Variants in GDPD1 observed in about 807,000 individuals in gnomAD.
The protein encoded by GDPD1 is lysophospholipase D GDPD1.
A neutral mutation model predicts 45.1 loss-of-function variants in GDPD1; 28 were observed. The observed-to-expected ratio is 0.62, with a 90% CI of 0.46 to 0.85. GDPD1 has a LOEUF of 0.85. Among genes scored for constraint, GDPD1 ranks in the 40% least tolerant of loss-of-function variants. GDPD1 has a pLI of 0.00. For synonymous variants in GDPD1, 139 were observed against 131.4 expected (o/e 1.06, Z -0.40); for missense variants, 256 against 364.8 (o/e 0.70, Z 2.43).
At chr17:59,229,381 T>C (rs1251922638) in intron 1 of GDPD1, among the ~76,000 whole-genome samples, 1 of 150,866 alleles carries the variant, frequency 6.6e-6, no homozygotes, top group African/African-American at 2.4e-5. Flanking sequence ...CCTGCCACCA[T>C]ACCCAGCTAA....
rs1199968065 is a variant in GDPD1 at position 59,275,854 on chromosome 17, T to C, written c.*2081T>C. ...TTTTACCTAGATTACATCTCTCATT[T>C]GGAGTTTGGCAATGAAACTGCTATG... On this transcript the variant is annotated 3_prime_UTR_variant, in exon 10 of 10. Coordinates refer to ENST00000284116, the MANE Select transcript of GDPD1 (RefSeq NM_182569.4). The C allele has an allele frequency of 6.6e-6, 1 of 152,258 alleles. No homozygotes were observed. The highest frequency in any genetic ancestry group is 1.9e-4 in the East Asian group (1 of 5,206). 9.4% of individuals were successfully genotyped at this position (152,258 alleles called of 1,614,324 possible).
At chr17:59,246,148 A>G (rs2047209518) in intron 3 of GDPD1, among the ~76,000 whole-genome samples, 1 of 151,992 alleles carries the variant, frequency 6.6e-6, no homozygotes, top group African/African-American at 2.4e-5. Context: ...TAACGTATAT[A>G]TTCATTATAG....
chr17:59,264,748 A>G (rs1481778720), intron 6 of GDPD1, among the ~76,000 whole-genome samples: 1 of 152,200 alleles, frequency 6.6e-6, no homozygotes, highest in East Asian at 1.9e-4. Context: ...ACAAAGCACC[A>G]TGTAAACAAA....
At chr17:59,231,693 T>C (rs1194394005) in intron 1 of GDPD1, among the ~76,000 whole-genome samples, 1 of 151,526 alleles carries the variant, frequency 6.6e-6, no homozygotes, top group Non-Finnish European at 1.5e-5. Flanking sequence ...CTTTTTTAAG[T>C]TTTTTTTATT....
At chr17:59,266,390 A>T (rs1158565344) in intron 6 of GDPD1, among the ~76,000 whole-genome samples, 1 of 151,090 alleles carries the variant, frequency 6.6e-6, no homozygotes, top group Non-Finnish European at 1.5e-5. Context: ...TCCGTCTCAA[A>T]AAAAAAAAAA....
intron 1 of GDPD1, among the ~76,000 whole-genome samples, chr17:59,221,462 A>C (rs1308929797): frequency 1.3e-5 from 2 of 151,220 alleles, no homozygotes; most frequent in Non-Finnish European, 2.9e-5. Flanking sequence ...TAAATAAATA[A>C]ATAAATAAAT....
chr17:59,228,288 A>G (rs2047063323), intron 1 of GDPD1, among the ~76,000 whole-genome samples: 2 of 152,150 alleles, frequency 1.3e-5, no homozygotes, highest in African/African-American at 2.4e-5. Flanking sequence ...CACAATTATT[A>G]AACAGATTGG....
intron 7 of GDPD1, among the ~76,000 whole-genome samples, chr17:59,267,964 G>A (rs1269170527): frequency 6.6e-6 from 1 of 152,110 alleles, no homozygotes; most frequent in African/African-American, 2.4e-5. Context: ...GCCTTGCCCA[G>A]CCAGGATCCT....
intron 3 of GDPD1, among the ~76,000 whole-genome samples, chr17:59,246,585 T>C (rs1000607881): frequency 6.6e-6 from 1 of 151,094 alleles, no homozygotes; most frequent in African/African-American, 2.4e-5. Context: ...GGCATGCGCC[T>C]GTAATCCCAG....
chr17:59,242,779 C>T (rs564325884), intron 2 of GDPD1, among the ~76,000 whole-genome samples: 1 of 152,204 alleles, frequency 6.6e-6, no homozygotes, highest in Non-Finnish European at 1.5e-5. Flanking sequence ...GCTCCCACCT[C>T]ATAGACTGAT....
At chr17:59,258,533 ACT>A (rs1171103894) in intron 6 of GDPD1, among the ~76,000 whole-genome samples, 1 of 151,962 alleles carries the variant, frequency 6.6e-6, no homozygotes, top group East Asian at 1.9e-4. Context: ...ACAGAGCAAG[ACT>A]CTGTCTCAAA....
Position 59,245,562 on chromosome 17 carries a change from G to T in GDPD1, c.321+13G>T. On this transcript the variant is annotated intron_variant, in intron 3 of 9. Coordinates refer to ENST00000284116, the MANE Select transcript of GDPD1 (RefSeq NM_182569.4). ...TCTCAAATACTGTGTAAGTAAAAAT[G>T]CATGATAAACTAATATCTAATAGAT... is the stretch of plus-strand genomic sequence containing the variant. The T allele has an allele frequency of 6.3e-7, 1 of 1,590,802 alleles. No individual in the cohort carries two copies. The highest frequency in any genetic ancestry group is 8.6e-7 in the Non-Finnish European group (1 of 1,169,338).
At chr17:59,264,004 T>A (rs968380295) in intron 6 of GDPD1, among the ~76,000 whole-genome samples, 13 of 152,258 alleles carry the variant, frequency 8.5e-5, no homozygotes, top group East Asian at 3.9e-4. Context: ...AATTTTATTT[T>A]ATTTTATGTT....
chr17:59,270,384 G>GC (rs1029792578), intron 7 of GDPD1, among the ~76,000 whole-genome samples: 13 of 151,168 alleles, frequency 8.6e-5, no homozygotes, highest in African/African-American at 2.7e-4. Context: ...AGTAGAGACG[G>GC]GGGGGGGTTT....
At chr17:59,222,119 C>T (rs1415592076) in intron 1 of GDPD1, among the ~76,000 whole-genome samples, 1 of 152,152 alleles carries the variant, frequency 6.6e-6, no homozygotes, top group East Asian at 1.9e-4. Flanking sequence ...TGCCTTCAAC[C>T]ATTGGAACCA....
chr17:59,233,337 C>T (rs12943401), intron 1 of GDPD1, among the ~76,000 whole-genome samples: 13,878 of 151,958 alleles, frequency 0.091, 844 homozygotes, highest in South Asian at 0.23. Flanking sequence ...CACGGTGAAA[C>T]CCCGTCTCTA....
At chr17:59,264,816 G>C (rs1310375903) in intron 6 of GDPD1, among the ~76,000 whole-genome samples, 1 of 152,002 alleles carries the variant, frequency 6.6e-6, no homozygotes, top group Admixed American at 6.6e-5. Flanking sequence ...TAAAGGAGTA[G>C]ATAATTTAGA....
At chr17:59,237,852 T>G (rs1022656325) in intron 2 of GDPD1, among the ~76,000 whole-genome samples, 2 of 151,350 alleles carry the variant, frequency 1.3e-5, no homozygotes, top group African/African-American at 4.9e-5. Context: ...GGCGGATCAC[T>G]TGAGATGAGG....
At position 59,220,690 on chromosome 17, in the gene GDPD1, G is replaced by A; in HGVS notation, c.81G>A (p.Pro27=). ...LVTSFLLLKY[P]TLLHQRKKQR... ...CCTCATTCTTGTTGCTTAAATACCC[G>A]ACCTTGCTGCACCAGAGAAAGAAGC... The change falls in exon 1 of 10, where the codon CCG becomes CCA. Residue 27 remains proline (P), a synonymous_variant. Coordinates refer to ENST00000284116, the MANE Select transcript of GDPD1 (RefSeq NM_182569.4). 6.2e-7 allele frequency: 1 copy of A among 1,614,128 alleles called. No homozygotes were observed. Among genetic ancestry groups the A allele is most frequent in the Non-Finnish European group, 8.5e-7 (1 of 1,180,002 alleles).
Sources: gnomAD v4.1 joint callset for allele counts (sites outside exome capture counted in the v4.1 genomes callset) on GRCh38, gnomAD v4.1.1 for gene constraint, MANE v1.5 for transcripts, NCBI Gene and HGNC (gene_info 2026-07-23, HGNC 2026-07-21) for gene names.